The following SUDS3 variants were observed in gnomAD, a reference collection of about 807,000 sequenced individuals.
SUDS3 encodes sin3 histone deacetylase corepressor complex component SDS3.
SUDS3 carries 23 observed loss-of-function variants against 53.5 expected under a neutral mutation model. The observed-to-expected ratio is 0.43, with a 90% CI of 0.31 to 0.61. The LOEUF is 0.61. SUDS3 is among the 20% of genes least tolerant of loss of function. The pLI is 0.10. For synonymous variants in SUDS3, 150 were observed against 148.5 expected, an observed-to-expected ratio of 1.01 and a Z score of -0.08; for missense variants, 291 against 405.9, an observed-to-expected ratio of 0.72 and a Z score of 2.43.
At chr12:118,395,732 C>T (rs1225987956) in intron 6 of SUDS3, among the ~76,000 whole-genome samples, 1 of 152,136 alleles carries the variant, frequency 6.6e-6, no homozygotes, top group Non-Finnish European at 1.5e-5. Context: ...AGCTCTGTCA[C>T]CCAGGCTGAA....
At position 118,400,761 on chromosome 12, in the gene SUDS3, A is replaced by C. The variant is rs549245701; in HGVS notation, c.613+7A>C. On this transcript the variant is annotated splice_region_variant and intron_variant, in intron 7 of 11. Coordinates refer to ENST00000543473, the MANE Select transcript of SUDS3 (RefSeq NM_022491.3). ...AGGAGGAAACCTGCTCCAGATATCC[A>C]TTTACATCAAGCCTTAACCGCCTTT... is the stretch of plus-strand genomic sequence containing the variant. 6.2e-7 allele frequency: 1 copy of C among 1,613,520 alleles called. No homozygotes were observed. Among genetic ancestry groups the C allele is most frequent in the African/African-American group, 1.3e-5 (1 of 75,022 alleles).
intron 6 of SUDS3, among the ~76,000 whole-genome samples, chr12:118,393,576 T>A (rs1177501382): frequency 6.6e-6 from 1 of 152,138 alleles, no homozygotes; most frequent in Non-Finnish European, 1.5e-5. Context: ...CTTCAATGTG[T>A]TAGGTCAGTG....
At chr12:118,393,583 A>G (rs2046187096) in intron 6 of SUDS3, among the ~76,000 whole-genome samples, 1 of 152,174 alleles carries the variant, frequency 6.6e-6, no homozygotes, top group Non-Finnish European at 1.5e-5. Context: ...GTGTTAGGTC[A>G]GTGGGGTCTT....
intron 10 of SUDS3, among the ~76,000 whole-genome samples, chr12:118,407,458 C>T (rs961330009): frequency 5.3e-5 from 8 of 152,228 alleles, no homozygotes; most frequent in African/African-American, 1.4e-4. Context: ...CCAAAGGAGG[C>T]GGATCTGGGA....
intron 3 of SUDS3, 81 bp from the exon 4 acceptor site, chr12:118,386,033 G>A (rs2046111749): frequency 1.9e-6 from 2 of 1,077,802 alleles, no homozygotes; most frequent in Admixed American, 4.1e-5. Flanking sequence ...CAGTGTTGAT[G>A]CTAGATAATA....
chr12:118,384,370 CATT>C (rs2046094994), intron 3 of SUDS3, among the ~76,000 whole-genome samples: 1 of 152,318 alleles, frequency 6.6e-6, no homozygotes, highest in African/African-American at 2.4e-5. Flanking sequence ...TTAGGAGAGA[CATT>C]GTTATCAAAG....
chr12:118,389,799 C>G, intron 4 of SUDS3, 128 bp from the exon 5 acceptor site: 1 of 1,132,028 alleles, frequency 8.8e-7, no homozygotes, highest in African/African-American at 1.5e-5. Flanking sequence ...CAACATTTCA[C>G]TGATGAAAAC....
At chr12:118,379,842 A>G (rs1300139934) in intron 1 of SUDS3, among the ~76,000 whole-genome samples, 7 of 152,132 alleles carry the variant, frequency 4.6e-5, no homozygotes, top group Non-Finnish European at 1.5e-5. Context: ...ATCTGACTGT[A>G]AGTTGGAAAT....
rs891035257 is a variant in SUDS3 at position 118,414,503 on chromosome 12, C to G, written c.*70C>G. On this transcript the variant is annotated 3_prime_UTR_variant, in exon 12 of 12. Transcript: ENST00000543473. ...TTATTTTTGTTTTGTTTCGTTTTCT[C>G]CTTAATAGAAAAATGTTAACTTACT... The G allele has an allele frequency of 6.4e-6, 8 of 1,247,736 alleles. No individual in the cohort carries two copies. The highest frequency in any genetic ancestry group is 8.7e-6 in the Non-Finnish European group (8 of 914,892). The allele number at this position is 1,247,736 out of a possible 1,614,324, so 77.3% of individuals were successfully genotyped here.
At chr12:118,403,664 A>T in intron 10 of SUDS3, 147 bp downstream of exon 10, 1 of 665,802 alleles carries the variant, frequency 1.5e-6, no homozygotes, top group Non-Finnish European at 2.6e-6. Flanking sequence ...ATGTATTAGC[A>T]GTCATTTAAT....
At chr12:118,408,933 A>T (rs556312684) in intron 10 of SUDS3, among the ~76,000 whole-genome samples, 14 of 152,246 alleles carry the variant, frequency 9.2e-5, no homozygotes, top group African/African-American at 3.4e-4. Context: ...CTGTTTACAT[A>T]GGAGAGCTGG....
At chr12:118,393,659 CT>C (rs536968059) in intron 6 of SUDS3, among the ~76,000 whole-genome samples, 103 of 144,078 alleles carry the variant, frequency 7.1e-4, no homozygotes, top group Admixed American at 8.4e-4. Context: ...TTCTTTCTTT[CT>C]TTTTTTTTTT....
chr12:118,381,846 A>T (rs2046066097), intron 2 of SUDS3, among the ~76,000 whole-genome samples: 1 of 152,224 alleles, frequency 6.6e-6, no homozygotes, highest in Admixed American at 6.5e-5. Flanking sequence ...TATAAAGTAT[A>T]TTTAATGTAT....
intron 7 of SUDS3, 61 bp downstream of exon 7, chr12:118,400,815 T>C: frequency 6.7e-7 from 1 of 1,501,826 alleles, no homozygotes. Flanking sequence ...ATCCTATGTT[T>C]ATCCGTTTGC....
intron 1 of SUDS3, among the ~76,000 whole-genome samples, chr12:118,379,114 G>A (rs545452549): frequency 6.6e-6 from 1 of 151,488 alleles, no homozygotes; most frequent in African/African-American, 2.4e-5. Context: ...GCCTGGCCTG[G>A]ATATTCTAAG....
intron 4 of SUDS3, among the ~76,000 whole-genome samples, chr12:118,388,422 G>A (rs1223990107): frequency 6.6e-6 from 1 of 152,176 alleles, no homozygotes; most frequent in Non-Finnish European, 1.5e-5. Context: ...TTTGTGGACT[G>A]TACGCACAGC....
In SUDS3 at chr12:118,391,674, C is replaced by T. The variant is rs774777290; in HGVS notation, c.517+392C>T. Among the ~76,000 whole-genome samples, 12 of 152,204 alleles carry T rather than the reference C, an allele frequency of 7.9e-5. No individual in the cohort carries two copies. In the East Asian group the frequency reaches 1.3e-3, roughly 17 times the overall value. Reference sequence around the variant, plus strand: ...CTTGGTTATGTTCCCAAATTGCTTACGCAAGTCCCTCTGTGGTGATGGGAA... The same window carrying T: ...CTTGGTTATGTTCCCAAATTGCTTATGCAAGTCCCTCTGTGGTGATGGGAA... On this transcript the variant is annotated intron_variant, in intron 6 of 11. Transcript: ENST00000543473.
rs1174789697 is a variant in SUDS3, at chr12:118,414,927, G to T, written c.*494G>T. The T allele has an allele frequency of 6.6e-6, 1 of 152,330 alleles. No individual in the cohort carries two copies. The highest frequency in any genetic ancestry group is 1.9e-4 in the East Asian group (1 of 5,180). 9.4% of individuals were successfully genotyped at this position (152,330 alleles called of 1,614,324 possible). A position where few individuals can be genotyped will look rare whatever the true frequency, so the allele number is the denominator to read the frequency against. ...ATTTGCCCAGAAGCTTGGGGCAGAG[G>T]TCCTAGCAGGAGATGATGAATTCTC... On this transcript the variant is annotated 3_prime_UTR_variant, in exon 12 of 12. Coordinates refer to ENST00000543473, the MANE Select transcript of SUDS3 (RefSeq NM_022491.3).
chr12:118,379,531 C>T (rs968296782), intron 1 of SUDS3, among the ~76,000 whole-genome samples: 3 of 152,168 alleles, frequency 2.0e-5, no homozygotes, highest in African/African-American at 4.8e-5. Context: ...ATTTTGGTAT[C>T]CACGGGAGGT....
Sources: gnomAD v4.1 joint callset for allele counts (sites outside exome capture counted in the v4.1 genomes callset) on GRCh38, gnomAD v4.1.1 for gene constraint, MANE v1.5 for transcripts, NCBI Gene and HGNC (gene_info 2026-07-23, HGNC 2026-07-21) for gene names.